The following SEC11A variants were observed in gnomAD, a reference collection of about 807,000 sequenced individuals.
The protein encoded by SEC11A is signal peptidase complex catalytic subunit SEC11A.
SEC11A carries 14 observed loss-of-function variants against 25.6 expected under a neutral mutation model. The ratio of observed to expected loss-of-function variants is 0.55; its 90% CI spans 0.36 to 0.85. The LOEUF (loss-of-function observed/expected upper bound fraction) is 0.85. Among genes scored for constraint, SEC11A ranks in the 40% least tolerant of loss-of-function variants. SEC11A has a pLI of 0.01. For missense variants in SEC11A, 153 were observed against 222.9 expected (o/e 0.69, Z 2.00); for synonymous variants, 83 against 76.4 (o/e 1.09, Z -0.45).
intron 1 of SEC11A, among the ~76,000 whole-genome samples, chr15:84,702,528 C>T (rs1897978992): frequency 2.0e-5 from 3 of 151,760 alleles, no homozygotes; most frequent in Non-Finnish European, 2.9e-5. Context: ...TGGTTTCAAA[C>T]TCCTGGGCTC....
chr15:84,700,707 G>A (rs1477466631), intron 1 of SEC11A, among the ~76,000 whole-genome samples: 13 of 147,518 alleles, frequency 8.8e-5, no homozygotes, highest in South Asian at 6.7e-4. Context: ...GAGGCCAGGC[G>A]CGGTGGCTCA....
chr15:84,688,581 A>T (rs1228856613), intron 2 of SEC11A, among the ~76,000 whole-genome samples: 4 of 152,242 alleles, frequency 2.6e-5, no homozygotes, highest in Non-Finnish European at 5.9e-5. Flanking sequence ...CTATAACAAC[A>T]GCTTAAGTAA....
At chr15:84,691,727 T>G in intron 1 of SEC11A, 83 bp from the exon 2 acceptor site, 1 of 753,048 alleles carries the variant, frequency 1.3e-6, no homozygotes, top group Middle Eastern at 2.3e-4. Context: ...ATTTGAAAGT[T>G]TCAAGCAGTA....
intron 4 of SEC11A, among the ~76,000 whole-genome samples, chr15:84,678,641 A>G (rs1289913344): frequency 6.6e-6 from 1 of 152,190 alleles, no homozygotes; most frequent in Non-Finnish European, 1.5e-5. Context: ...AAGGGGTTAT[A>G]AGATAGTGTG....
At chr15:84,703,478 G>C (rs561021384) in intron 1 of SEC11A, among the ~76,000 whole-genome samples, 2 of 152,292 alleles carry the variant, frequency 1.3e-5, no homozygotes, top group East Asian at 3.9e-4. Flanking sequence ...CCCTCTGACA[G>C]CTGACTAAGG....
intron 1 of SEC11A, among the ~76,000 whole-genome samples, chr15:84,695,088 TAAAAAAA>T (rs55789527): frequency 3.7e-5 from 1 of 26,910 alleles, no homozygotes; most frequent in African/African-American, 2.4e-4. Flanking sequence ...AGACTCCATC[TAAAAAAA>T]AAAAAAAAAA....
At chr15:84,670,210 A>T (rs1406370088) in intron 5 of SEC11A, 141 bp from the exon 6 acceptor site, 12 of 703,840 alleles carry the variant, frequency 1.7e-5, no homozygotes, top group African/African-American at 9.2e-5. Flanking sequence ...TAATCCATTT[A>T]AAAGTTTCCA....
At chr15:84,694,208 A>G (rs1407613622) in intron 1 of SEC11A, among the ~76,000 whole-genome samples, 1 of 152,042 alleles carries the variant, frequency 6.6e-6, no homozygotes, top group Non-Finnish European at 1.5e-5. Flanking sequence ...CACAAAAATT[A>G]GCTGGGTGTG....
chr15:84,683,553 T>G (rs1458030096), intron 3 of SEC11A, among the ~76,000 whole-genome samples: 1 of 152,158 alleles, frequency 6.6e-6, no homozygotes, highest in Non-Finnish European at 1.5e-5. Context: ...CCGGCTCTTA[T>G]TAGACCTATT....
intron 1 of SEC11A, among the ~76,000 whole-genome samples, chr15:84,698,806 T>A (rs1038290950): frequency 2.0e-5 from 3 of 152,164 alleles, no homozygotes; most frequent in African/African-American, 7.2e-5. Flanking sequence ...ACATTTTGGA[T>A]TTTGGATATT....
At chr15:84,711,781 C>CA (rs60088964) in intron 1 of SEC11A, among the ~76,000 whole-genome samples, 81 of 93,036 alleles carry the variant, frequency 8.7e-4, no homozygotes, top group South Asian at 1.7e-3. Context: ...GACTCTATCT[C>CA]AAAAAAAAAA....
intron 3 of SEC11A, among the ~76,000 whole-genome samples, chr15:84,683,956 G>A (rs552565607): frequency 6.6e-5 from 10 of 152,134 alleles, no homozygotes; most frequent in African/African-American, 2.2e-4. Flanking sequence ...TCTACTTCTA[G>A]GGAGATCAAA....
At chr15:84,712,902 G>C (rs150796299) in intron 1 of SEC11A, among the ~76,000 whole-genome samples, 1 of 151,874 alleles carries the variant, frequency 6.6e-6, no homozygotes, top group Non-Finnish European at 1.5e-5. Flanking sequence ...ATCAGTATAC[G>C]TAAGTATAAA....
At chr15:84,678,798 G>A (rs1045440064) in intron 4 of SEC11A, among the ~76,000 whole-genome samples, 3 of 152,066 alleles carry the variant, frequency 2.0e-5, no homozygotes, top group Non-Finnish European at 4.4e-5. Flanking sequence ...TTTGAGACCA[G>A]CCTGGGCAAC....
chr15:84,709,492 G>C (rs1363772440), intron 1 of SEC11A, among the ~76,000 whole-genome samples: 2 of 152,088 alleles, frequency 1.3e-5, no homozygotes, highest in African/African-American at 2.4e-5. Context: ...ACCCAGACTG[G>C]AGTGCAGTGG....
chr15:84,716,122 C>T lies in SEC11A; in HGVS notation c.-47G>A, dbSNP rs773133098. 7.6e-6 allele frequency: 12 copies of T among 1,588,466 alleles called. No individual in the cohort carries two copies. The highest frequency in any genetic ancestry group is 9.5e-6 in the Non-Finnish European group (11 of 1,158,452). On this transcript the variant is annotated 5_prime_UTR_variant, in exon 1 of 6. Transcript: ENST00000268220. ...ACCGGCAGGGGAAAGGGCGCGATGA[C>T]CAGCGGGCGGAACTACTGGAGCTCG...
At chr15:84,694,457 T>G (rs750238112) in intron 1 of SEC11A, among the ~76,000 whole-genome samples, 2 of 152,196 alleles carry the variant, frequency 1.3e-5, no homozygotes, top group Non-Finnish European at 2.9e-5. Flanking sequence ...CATTTTCTAC[T>G]TCCCTTTTTA....
intron 4 of SEC11A, chr15:84,671,869 C>T (rs1182267726): frequency 6.6e-6 from 1 of 152,222 alleles, no homozygotes; most frequent in Admixed American, 6.5e-5. Context: ...CAAAAGACTA[C>T]TTTGACATCA....
chr15:84,714,018 C>CTTTTTT (rs34873142), intron 1 of SEC11A, among the ~76,000 whole-genome samples: 29 of 100,426 alleles, frequency 2.9e-4, no homozygotes, highest in African/African-American at 3.6e-4. Flanking sequence ...CATATACCTT[C>CTTTTTT]TTTTTTTTTT....
Sources: gnomAD v4.1 joint callset for allele counts (sites outside exome capture counted in the v4.1 genomes callset) on GRCh38, gnomAD v4.1.1 for gene constraint, MANE v1.5 for transcripts, NCBI Gene and HGNC (gene_info 2026-07-23, HGNC 2026-07-21) for gene names.